Variants in TRAPPC9 observed in about 807,000 individuals in gnomAD.
The protein encoded by TRAPPC9 is trafficking protein particle complex subunit 9.
A neutral mutation model predicts 124.0 loss-of-function variants in TRAPPC9; 83 were observed. That is an observed-to-expected ratio of 0.67 (90% CI 0.56 to 0.80). The LOEUF (loss-of-function observed/expected upper bound fraction) is 0.80. TRAPPC9 is among the 30% of genes least tolerant of loss of function. The pLI is 0.00. For synonymous variants in TRAPPC9, 638 were observed against 617.5 expected (o/e 1.03, Z -0.49); for missense variants, 1,302 against 1,508.3 (o/e 0.86, Z 2.27).
chr8:139,827,195 G>A (rs557932310), intron 21 of TRAPPC9, among the ~76,000 whole-genome samples: 3 of 152,346 alleles, frequency 2.0e-5, no homozygotes, highest in Non-Finnish European at 4.4e-5. Flanking sequence ...AGCAGGTCTC[G>A]GCCTGGAGCA....
At chr8:140,346,750 C>T (rs1369299797) in intron 9 of TRAPPC9, among the ~76,000 whole-genome samples, 3 of 152,184 alleles carry the variant, frequency 2.0e-5, no homozygotes, top group Non-Finnish European at 4.4e-5. Context: ...AAAGTTGTTT[C>T]AGGTGTTAAA....
chr8:140,001,678 T>C (rs759236237), intron 18 of TRAPPC9, among the ~76,000 whole-genome samples: 7 of 152,128 alleles, frequency 4.6e-5, no homozygotes, highest in East Asian at 1.9e-4. Context: ...TACAAACAAC[T>C]CTCCTCACAT....
chr8:140,114,734 C>T (rs923040231), intron 17 of TRAPPC9, among the ~76,000 whole-genome samples: 3 of 151,954 alleles, frequency 2.0e-5, no homozygotes, highest in Non-Finnish European at 4.4e-5. Flanking sequence ...CATATGGGAG[C>T]GGGAGGGAGA....
chr8:139,930,211 C>CG (rs1833054789), intron 19 of TRAPPC9, among the ~76,000 whole-genome samples: 1 of 152,206 alleles, frequency 6.6e-6, no homozygotes, highest in South Asian at 2.1e-4. Flanking sequence ...AAGCCTTCTA[C>CG]GCACTATCTT....
chr8:139,850,132 G>T (rs1326270130), intron 21 of TRAPPC9, among the ~76,000 whole-genome samples: 4 of 152,232 alleles, frequency 2.6e-5, no homozygotes, highest in African/African-American at 9.6e-5. Context: ...TTATGAAATT[G>T]CTCTGATATC....
At chr8:140,000,135 G>T (rs1423693947) in intron 18 of TRAPPC9, among the ~76,000 whole-genome samples, 1 of 152,162 alleles carries the variant, frequency 6.6e-6, no homozygotes, top group Non-Finnish European at 1.5e-5. Context: ...ATGGTAAAAG[G>T]ATTCCCTATT....
intron 17 of TRAPPC9, among the ~76,000 whole-genome samples, chr8:140,180,796 T>C (rs1034340778): frequency 1.3e-5 from 2 of 152,182 alleles, no homozygotes; most frequent in African/African-American, 4.8e-5. Context: ...ATTTGTGGCT[T>C]TTCCTCTGGC....
chr8:139,851,258 G>A (rs1340547287), intron 21 of TRAPPC9, among the ~76,000 whole-genome samples: 7 of 152,178 alleles, frequency 4.6e-5, no homozygotes, highest in Non-Finnish European at 7.3e-5. Context: ...ATACTTTCTT[G>A]AACTTGACCG....
chr8:140,451,348 C>A lies in TRAPPC9; in HGVS notation c.26G>T (p.Cys9Phe). MSVPDYMQ[C>F]AEDHQTLLVV... is the part of the protein sequence containing the mutation. ...GAGCAGCGTCTGGTGGTCCTCAGCA[C>A]ACTGCATGTAGTCAGGGACGCTCAT... The change falls in exon 2 of 23, where the codon TGT (cysteine) becomes TTT (phenylalanine). Residue 9 changes from cysteine (C) to phenylalanine (F), a missense_variant. Coordinates refer to ENST00000438773, the MANE Select transcript of TRAPPC9 (RefSeq NM_001160372.4). 5 of 1,605,184 alleles carry A rather than the reference C, an allele frequency of 3.1e-6. No homozygotes were observed. The highest frequency in any genetic ancestry group is 4.2e-6 in the Non-Finnish European group (5 of 1,179,996).
chr8:139,745,478 C>T (rs928649760), intron 21 of TRAPPC9, among the ~76,000 whole-genome samples: 3 of 152,270 alleles, frequency 2.0e-5, no homozygotes, highest in Non-Finnish European at 4.4e-5. Context: ...AGGCCATGCA[C>T]TTGCAGCGGC....
intron 9 of TRAPPC9, among the ~76,000 whole-genome samples, chr8:140,338,348 A>C (rs1200812133): frequency 2.6e-5 from 4 of 152,230 alleles, no homozygotes; most frequent in African/African-American, 9.6e-5. Context: ...CCAAAAGAGC[A>C]ACACAAGCAT....
intron 21 of TRAPPC9, among the ~76,000 whole-genome samples, chr8:139,829,040 G>C (rs1232794947): frequency 1.3e-5 from 2 of 152,010 alleles, no homozygotes; most frequent in Non-Finnish European, 2.9e-5. Context: ...ACGCAGAATG[G>C]AGGAAGAAAA....
At chr8:140,338,013 C>T (rs1278867088) in intron 9 of TRAPPC9, among the ~76,000 whole-genome samples, 1 of 152,082 alleles carries the variant, frequency 6.6e-6, no homozygotes, top group African/African-American at 2.4e-5. Context: ...CTAAAGAGGG[C>T]CTCCGTATTT....
intron 9 of TRAPPC9, among the ~76,000 whole-genome samples, chr8:140,323,830 T>C (rs1010393211): frequency 2.0e-5 from 3 of 152,118 alleles, no homozygotes; most frequent in South Asian, 2.1e-4. Flanking sequence ...CAAAACTCGA[T>C]AAAAAACCCA....
At chr8:139,991,457 T>C (rs545900592) in intron 18 of TRAPPC9, among the ~76,000 whole-genome samples, 21 of 152,226 alleles carry the variant, frequency 1.4e-4, no homozygotes, top group Non-Finnish European at 2.2e-4. Flanking sequence ...TTTCCCAGAC[T>C]GCAGCAGTGG....
intron 21 of TRAPPC9, among the ~76,000 whole-genome samples, chr8:139,869,566 C>T (rs932315552): frequency 3.3e-5 from 5 of 152,230 alleles, no homozygotes; most frequent in South Asian, 2.1e-4. Context: ...AGAACTACCC[C>T]GTATCATTAA....
At chr8:140,093,768 G>A (rs2130228905) in intron 17 of TRAPPC9, among the ~76,000 whole-genome samples, 1 of 152,196 alleles carries the variant, frequency 6.6e-6, no homozygotes, top group East Asian at 1.9e-4. Flanking sequence ...AGAGATGAAA[G>A]CTGAGCCCTC....
chr8:140,413,890 T>C (rs570305079), intron 5 of TRAPPC9, among the ~76,000 whole-genome samples: 3 of 152,054 alleles, frequency 2.0e-5, no homozygotes, highest in African/African-American at 7.2e-5. Context: ...TGTGCCACAT[T>C]TTCTTAATCC....
chr8:140,135,013 T>C lies in TRAPPC9; in HGVS notation c.2556+86446A>G, dbSNP rs532873740. ...ATTAAAAATGGGCAAAGGCCTTAGA[T>C]AGATTTTTCTTCAAAGAAGATATAA... On this transcript the variant is annotated intron_variant, in intron 17 of 22. Transcript: ENST00000438773. Among the ~76,000 whole-genome samples, 18 of 152,314 alleles carry C rather than the reference T, an allele frequency of 1.2e-4. No individual in the cohort carries two copies. The East Asian group carries it at 2.9e-3, about 24-fold the overall frequency.
Sources: allele counts gnomAD v4.1 joint callset (sites outside exome capture counted in the v4.1 genomes callset), GRCh38; gene constraint gnomAD v4.1.1; transcripts MANE v1.5; gene names NCBI Gene and HGNC (gene_info 2026-07-23, HGNC 2026-07-21).